The following PDZRN4 variants were observed in gnomAD, a reference collection of about 807,000 sequenced individuals.
PDZRN4 encodes PDZ domain-containing RING finger protein 4.
In PDZRN4, 70 loss-of-function variants were observed where a neutral mutation model predicts 99.0. The observed-to-expected ratio is 0.71, with a 90% CI of 0.58 to 0.86. PDZRN4 has a LOEUF of 0.86. Ranked by LOEUF, PDZRN4 falls within the 40% of genes least tolerant of loss-of-function variation. The pLI is 0.00. For synonymous variants in PDZRN4, 551 were observed against 501.6 expected (o/e 1.10, Z -1.32); for missense variants, 1,474 against 1,331.2 (o/e 1.11, Z -1.67).
At chr12:41,443,172 A>G (rs1952695632) in intron 3 of PDZRN4, among the ~76,000 whole-genome samples, 1 of 152,122 alleles carries the variant, frequency 6.6e-6, no homozygotes, top group African/African-American at 2.4e-5. Flanking sequence ...GTAGCATAAG[A>G]GAGGCATAAA....
chr12:41,471,617 A>G (rs988327963), intron 3 of PDZRN4, among the ~76,000 whole-genome samples: 1 of 150,680 alleles, frequency 6.6e-6, no homozygotes, highest in Non-Finnish European at 1.5e-5. Flanking sequence ...AATGATGATG[A>G]TTGTGATGAT....
intron 3 of PDZRN4, among the ~76,000 whole-genome samples, chr12:41,360,655 G>C (rs1951957454): frequency 1.3e-5 from 2 of 152,028 alleles, no homozygotes; most frequent in South Asian, 4.1e-4. Flanking sequence ...TAATTGACTT[G>C]CATTTTATAC....
At chr12:41,406,853 C>G (rs1342687462) in intron 3 of PDZRN4, among the ~76,000 whole-genome samples, 2 of 130,674 alleles carry the variant, frequency 1.5e-5, no homozygotes, top group Non-Finnish European at 1.6e-5. Context: ...AGTGAAACTC[C>G]GTCTCAAAAA....
Position 41,188,897 on chromosome 12 carries a change from G to A in PDZRN4, c.442G>A (p.Gly148Arg), listed in dbSNP as rs1346738107. 1.8e-6 allele frequency: 2 copies of A among 1,093,012 alleles called. No individual in the cohort carries two copies. The highest frequency in any genetic ancestry group is 2.2e-6 in the Non-Finnish European group (2 of 901,112). 67.7% of individuals were successfully genotyped at this position (1,093,012 alleles called of 1,614,324 possible). Residue 148 changes from glycine (G) to arginine (R), a missense_variant, in exon 1 of 10, where the codon GGG becomes AGG. Transcript: ENST00000402685. ...RAGRGGGARG[G>R]PPGGRWGRGR... ...TGGCCGGGGCGGGGGCGCGCGCGGG[G>A]GGCCGCCGGGCGGCCGCTGGGGCCG... is the stretch of plus-strand genomic sequence containing the variant.
At chr12:41,519,097 T>C (rs944939196) in intron 5 of PDZRN4, among the ~76,000 whole-genome samples, 2 of 151,990 alleles carry the variant, frequency 1.3e-5, no homozygotes, top group Admixed American at 6.6e-5. Context: ...TATAGGTCCA[T>C]AAGCATAAGG....
chr12:41,245,296 A>C (rs962003516), intron 3 of PDZRN4, among the ~76,000 whole-genome samples: 2 of 152,198 alleles, frequency 1.3e-5, no homozygotes, highest in African/African-American at 4.8e-5. Context: ...ATTTAATACA[A>C]ATTTGTTGAA....
intron 3 of PDZRN4, among the ~76,000 whole-genome samples, chr12:41,226,942 T>C (rs1399305989): frequency 2.0e-5 from 3 of 152,204 alleles, no homozygotes; most frequent in Non-Finnish European, 2.9e-5. Context: ...GCTGTTTTTA[T>C]GATCTAATAC....
intron 3 of PDZRN4, chr12:41,477,822 G>T: frequency 8.2e-7 from 1 of 1,221,642 alleles, no homozygotes; most frequent in South Asian, 1.3e-5. Context: ...TAATGATTTT[G>T]ATTATGAAAT....
At chr12:41,555,246 A>G (rs1418422679) in intron 6 of PDZRN4, among the ~76,000 whole-genome samples, 134 of 39,358 alleles carry the variant, frequency 3.4e-3, no homozygotes, top group African/African-American at 0.013. Context: ...AAAAAAAAAA[A>G]AAAGAAAAAA....
At position 41,312,160 on chromosome 12, in the gene PDZRN4, A is replaced by C. The variant is rs538716845; in HGVS notation, c.843+117972A>C. ...GCACAGTGCATTCCATTTTGTCCAA[A>C]ATGTCTTCATGATCATTATATTTCA... On this transcript the variant is annotated intron_variant, in intron 3 of 9. Coordinates refer to ENST00000402685, the MANE Select transcript of PDZRN4 (RefSeq NM_001164595.2). 7.2e-5 allele frequency among the ~76,000 whole-genome samples: 11 copies of C among 152,162 alleles called. No individual in the cohort carries two copies. The South Asian group carries it at 2.3e-3, about 32-fold the overall frequency.
intron 3 of PDZRN4, among the ~76,000 whole-genome samples, chr12:41,315,465 C>A (rs1404076179): frequency 2.0e-5 from 3 of 151,962 alleles, no homozygotes. Flanking sequence ...CACTACAACC[C>A]CTGTTTTTGA....
chr12:41,402,165 T>TAC lies in PDZRN4; in HGVS notation c.844-104290_844-104289insCA, dbSNP rs1279852161. On this transcript the variant is annotated intron_variant, in intron 3 of 9. Coordinates refer to ENST00000402685, the MANE Select transcript of PDZRN4 (RefSeq NM_001164595.2). The stretch of plus-strand genomic sequence containing the variant: ...TACACACACTGAGTATATATATATA[T>TAC]ATACACACTGAGTATATATATATAT... Among the ~76,000 whole-genome samples the TAC allele has an allele frequency of 1.7e-5, 2 of 115,948 alleles. 1 individual carries two copies. 76.1% of individuals were successfully genotyped at this position (115,948 alleles called of 152,430 possible).
intron 3 of PDZRN4, among the ~76,000 whole-genome samples, chr12:41,504,990 T>C (rs180938977): frequency 1.1e-4 from 17 of 152,294 alleles, no homozygotes; most frequent in African/African-American, 3.6e-4. Context: ...ACTGAGTAAA[T>C]TAGCTCCTCC....
chr12:41,559,643 A>G (rs1180165201), intron 7 of PDZRN4, among the ~76,000 whole-genome samples: 2 of 152,148 alleles, frequency 1.3e-5, no homozygotes, highest in Non-Finnish European at 2.9e-5. Context: ...ACAAGAACTC[A>G]GTGAAACAAC....
chr12:41,509,724 C>A, intron 4 of PDZRN4, 87 bp from the exon 5 acceptor site: 1 of 662,634 alleles, frequency 1.5e-6, no homozygotes, highest in Non-Finnish European at 2.6e-6. Flanking sequence ...CAAAGCAGAG[C>A]AAACTAAAGT....
chr12:41,508,991 A>G (rs763584604), intron 4 of PDZRN4, among the ~76,000 whole-genome samples: 27 of 152,160 alleles, frequency 1.8e-4, no homozygotes, highest in Non-Finnish European at 3.1e-4. Context: ...TTGCTGTTAA[A>G]CTATGCTTAG....
chr12:41,489,111 C>T (rs1471094380), intron 3 of PDZRN4, among the ~76,000 whole-genome samples: 1 of 151,974 alleles, frequency 6.6e-6, no homozygotes, highest in Admixed American at 6.6e-5. Context: ...AGCTCATCAG[C>T]TATTGTTAGT....
chr12:41,240,893 A>G (rs1951097582), intron 3 of PDZRN4, among the ~76,000 whole-genome samples: 1 of 152,156 alleles, frequency 6.6e-6, no homozygotes, highest in South Asian at 2.1e-4. Flanking sequence ...ATTTCAACAT[A>G]TGAATTTTGG....
rs1289301458 is a variant in PDZRN4 at position 41,362,642 on chromosome 12, T to C, written c.844-143814T>C. 2.0e-5 allele frequency among the ~76,000 whole-genome samples: 3 copies of C among 152,092 alleles called. No homozygotes were observed. The East Asian group carries it at 5.8e-4, about 29-fold the overall frequency. On this transcript the variant is annotated intron_variant, in intron 3 of 9. Coordinates refer to ENST00000402685, the MANE Select transcript of PDZRN4 (RefSeq NM_001164595.2). ...CTTGTCTTTTCCACATGGTGGGCTT[T>C]CCTGCACATTGTCAAGGAGATACAT...
Sources: gnomAD v4.1 joint callset for allele counts (sites outside exome capture counted in the v4.1 genomes callset) on GRCh38, gnomAD v4.1.1 for gene constraint, MANE v1.5 for transcripts, NCBI Gene and HGNC (gene_info 2026-07-23, HGNC 2026-07-21) for gene names.